CEP170B: variants seen among roughly 807,000 people sequenced by gnomAD.
CEP170B encodes centrosomal protein 170B.
CEP170B carries 55 observed loss-of-function variants against 120.6 expected under a neutral mutation model. That is an observed-to-expected ratio of 0.46 (90% CI 0.37 to 0.57). The LOEUF is 0.57. Among genes scored for constraint, CEP170B ranks in the 20% least tolerant of loss-of-function variants. CEP170B has a pLI of 0.00. For synonymous variants in CEP170B, 1,033 were observed against 954.5 expected (o/e 1.08, Z -1.52); for missense variants, 2,212 against 2,253.3 (o/e 0.98, Z 0.37).
intron 2 of CEP170B, among the ~76,000 whole-genome samples, chr14:104,874,610 C>A (rs890047644): frequency 6.6e-6 from 1 of 151,964 alleles, no homozygotes; most frequent in South Asian, 2.1e-4. Context: ...CTGGGGGGAC[C>A]CAGGGTCCTG....
chr14:104,880,026 G>A (rs536239210), intron 5 of CEP170B, among the ~76,000 whole-genome samples: 8 of 152,186 alleles, frequency 5.3e-5, no homozygotes, highest in Non-Finnish European at 7.4e-5. Context: ...TCTGATGATC[G>A]CAGCCTGCTC....
rs1010720965 is a variant in CEP170B, at chr14:104,886,115, G to A, written c.2020G>A (p.Asp674Asn). 7.8e-6 allele frequency: 12 copies of A among 1,542,526 alleles called. No homozygotes were observed. Among genetic ancestry groups the A allele is most frequent in the Non-Finnish European group, 1.0e-5 (12 of 1,145,028 alleles). The change falls in exon 11 of 19, where the codon GAC becomes AAC. Residue 674 changes from aspartate to asparagine, a missense_variant. Asp to Asn is a conservative substitution (Grantham distance 23). This residue lies in a region of CEP170B where 2,166 missense variants were observed against 2,166.7 expected (regional missense o/e 1.00). Transcript: ENST00000414716. ...RWASLADSYS[D>N]PGLTEDGLGR... ...GGCCAGCCTGGCTGACAGCTACTCA[G>A]ACCCGGGCCTCACAGGTAAGTGGCT...
intron 2 of CEP170B, among the ~76,000 whole-genome samples, chr14:104,869,500 C>G (rs910341658): frequency 6.6e-6 from 1 of 152,190 alleles, no homozygotes; most frequent in African/African-American, 2.4e-5. Context: ...CTGGGGCAGA[C>G]AGTGTTTGTC....
intron 14 of CEP170B, 89 bp from the exon 15 acceptor site, chr14:104,893,434 C>A: frequency 6.8e-7 from 1 of 1,467,770 alleles, no homozygotes; most frequent in South Asian, 1.3e-5. Flanking sequence ...TGTGCTCTGT[C>A]CACCTGCCGG....
intron 5 of CEP170B, 105 bp from the exon 6 acceptor site, chr14:104,880,182 A>G (rs1324435308): frequency 6.9e-7 from 1 of 1,454,124 alleles, no homozygotes; most frequent in Non-Finnish European, 9.3e-7. Flanking sequence ...GTGACATGCA[A>G]AGTCATAGCT....
chr14:104,883,839 C>A lies in CEP170B; in HGVS notation c.1060C>A (p.His354Asn), dbSNP rs756516755. 1 of 1,554,024 alleles carries A rather than the reference C, an allele frequency of 6.4e-7. No homozygotes were observed. ...VHTRTLKGHK[H>N]EDGTQSDSED... ...TCCCCTGTCTCCCCCAGGCCACAAGCACGAGGACGGCACGCAGAGTGACTC... is the reference window on the plus strand; with the variant it reads ...TCCCCTGTCTCCCCCAGGCCACAAGAACGAGGACGGCACGCAGAGTGACTC... The change falls in exon 9 of 19, where the codon CAC becomes AAC. Residue 354 changes from histidine (H) to asparagine (N), a missense_variant. Physicochemically the swap from His to Asn is moderately conservative, Grantham distance 68. Coordinates refer to ENST00000414716, the MANE Select transcript of CEP170B (RefSeq NM_001112726.3).
In CEP170B at chr14:104,884,312, C is replaced by T; in HGVS notation, c.1533C>T (p.Ser511=). ...QDFMAQCLRE[S]SPAARPSPEK... is the part of the protein sequence containing the mutation. Reference sequence around the variant, plus strand: ...TCATGGCCCAGTGTCTGCGGGAGAGCTCCCCGGCCGCCCGGCCCAGCCCCG... The same window carrying T: ...TCATGGCCCAGTGTCTGCGGGAGAGTTCCCCGGCCGCCCGGCCCAGCCCCG... The change falls in exon 9 of 19, where the codon AGC becomes AGT. Residue 511 remains serine, a synonymous_variant. Coordinates refer to ENST00000414716, the MANE Select transcript of CEP170B (RefSeq NM_001112726.3). The T allele has an allele frequency of 6.5e-7, 1 of 1,543,366 alleles. No individual in the cohort carries two copies. Among genetic ancestry groups the T allele is most frequent in the Non-Finnish European group, 8.7e-7 (1 of 1,144,742 alleles).
intron 3 of CEP170B, among the ~76,000 whole-genome samples, chr14:104,876,978 CGT>C (rs1895885657): frequency 6.6e-6 from 1 of 152,278 alleles, no homozygotes; most frequent in East Asian, 1.9e-4. Context: ...TCTCTGGGGG[CGT>C]GTGTCTGTCC....
intron 7 of CEP170B, 44 bp from the exon 8 acceptor site, chr14:104,882,991 G>A: frequency 6.8e-7 from 1 of 1,473,658 alleles, no homozygotes; most frequent in Non-Finnish European, 9.0e-7. Context: ...GTGGTGGCAG[G>A]TGGTTACCCT....
rs568308654 is a variant in CEP170B at position 104,876,670 on chromosome 14, G to A, written c.195+325G>A. On this transcript the variant is annotated intron_variant, in intron 3 of 18. Coordinates refer to ENST00000414716, the MANE Select transcript of CEP170B (RefSeq NM_001112726.3). ...AGAGGCCCCCAGGCCTCCCCAGAAG[G>A]CTCCCCCTGGCAGGGTCTCAGGCCG... Among the ~76,000 whole-genome samples, 94 of 152,312 alleles carry A rather than the reference G, an allele frequency of 6.2e-4. 1 individual carries two copies. Among genetic ancestry groups the A allele is most frequent in the African/African-American group, 2.1e-3 (88 of 41,574 alleles).
rs1895843003 is a variant in CEP170B at position 104,876,299 on chromosome 14, A to G, written c.149A>G (p.Gln50Arg). Reference sequence around the variant, plus strand: ...CAGCATGCCGTCATCAACTACGACCAGGACAGGGACGAGCACTGGGTGAAG... The same window carrying G: ...CAGCATGCCGTCATCAACTACGACCGGGACAGGGACGAGCACTGGGTGAAG... Reference protein sequence around the residue: ...DKQHAVINYDQDRDEHWVKDL... With the variant: ...DKQHAVINYDRDRDEHWVKDL... Residue 50 changes from glutamine to arginine, a missense_variant, in exon 3 of 19, where the codon CAG (glutamine) becomes CGG (arginine). Transcript: ENST00000414716. 1.9e-6 allele frequency: 3 copies of G among 1,550,738 alleles called. No individual in the cohort carries two copies. The African/African-American group carries it at 4.1e-5, about 21-fold the overall frequency.
Position 104,880,216 on chromosome 14 carries a change from G to C in CEP170B, c.334-71G>C. 1.5e-5 allele frequency: 23 copies of C among 1,539,416 alleles called. No homozygotes were observed. In the South Asian group the frequency reaches 2.5e-4, roughly 17 times the overall value. On this transcript the variant is annotated intron_variant, in intron 5 of 18. Coordinates refer to ENST00000414716, the MANE Select transcript of CEP170B (RefSeq NM_001112726.3). ...CTGGGCCCTCTGGATGGAGAGGAGAGGCTGGGCCCACCCTGGTGGGTTCCT... is the reference window on the plus strand; with the variant it reads ...CTGGGCCCTCTGGATGGAGAGGAGACGCTGGGCCCACCCTGGTGGGTTCCT...
intron 6 of CEP170B, 131 bp from the exon 7 acceptor site, chr14:104,882,597 G>A: frequency 1.5e-6 from 1 of 650,284 alleles, no homozygotes; most frequent in Non-Finnish European, 2.6e-6. Context: ...GCCCTGGGCT[G>A]CCACAGGGCC....
chr14:104,877,836 A>ACCCCCCCCCCCCCCCCCCCCCC, intron 3 of CEP170B, 49 bp from the exon 4 acceptor site: 2 of 237,064 alleles, frequency 8.4e-6, no homozygotes, highest in South Asian at 4.5e-5. Flanking sequence ...GCCCACAGCC[A>ACCCCCCCCCCCCCCCCCCCCCC]CCCACCCGCG....
intron 13 of CEP170B, among the ~76,000 whole-genome samples, chr14:104,890,592 GAGT>G: frequency 1.4e-5 from 2 of 141,430 alleles, no homozygotes; most frequent in African/African-American, 2.6e-5. Flanking sequence ...ATGGATGGGT[GAGT>G]GAGTGGGTGG....
At chr14:104,890,717 A>G (rs1164365837) in intron 13 of CEP170B, among the ~76,000 whole-genome samples, 19 of 23,084 alleles carry the variant, frequency 8.2e-4, no homozygotes, top group Non-Finnish European at 1.1e-3. Flanking sequence ...TGGATGGATG[A>G]GTGGTGGGTG....
rs758268714 is a variant in CEP170B, at chr14:104,884,563, GC to G, written c.1770+15del. The G allele has an allele frequency of 3.3e-6, 5 of 1,511,290 alleles. No individual in the cohort carries two copies. Among genetic ancestry groups the G allele is most frequent in the Non-Finnish European group, 3.6e-6 (4 of 1,125,944 alleles). The allele number at this position is 1,511,290 out of a possible 1,614,324, so 93.6% of individuals were successfully genotyped here. ...ATGATCGACCAGGTGCAGCCCAGCGGCGAGTGAGAGCCCTCGTGGGGAACGG... is the reference window on the plus strand; with the variant it reads ...ATGATCGACCAGGTGCAGCCCAGCGGGAGTGAGAGCCCTCGTGGGGAACGG... On this transcript the variant is annotated intron_variant, in intron 9 of 18. Transcript: ENST00000414716.
chr14:104,896,455 C>T lies in CEP170B; in HGVS notation c.*1497C>T, dbSNP rs1190147309. On this transcript the variant is annotated 3_prime_UTR_variant, in exon 19 of 19. Transcript: ENST00000414716. ...CCCTGCATGCCCCAGTTGCCCACCC[C>T]GCCTGCCCCTGGACATGAAGTGGTC... 3.0e-5 allele frequency: 12 copies of T among 406,582 alleles called. 1 individual carries two copies. The highest frequency in any genetic ancestry group is 1.5e-4 in the South Asian group (9 of 58,666). The allele number at this position is 406,582 out of a possible 1,614,324, so 25.2% of individuals were successfully genotyped here. A position where few individuals can be genotyped will look rare whatever the true frequency, so the allele number is the denominator to read the frequency against.
At chr14:104,882,702 G>T in intron 6 of CEP170B, 26 bp from the exon 7 acceptor site, 1 of 1,593,694 alleles carries the variant, frequency 6.3e-7, no homozygotes, top group South Asian at 1.1e-5. Flanking sequence ...AGCAACACAG[G>T]GTCTGACCTC....
Sources: allele counts gnomAD v4.1 joint callset (sites outside exome capture counted in the v4.1 genomes callset), GRCh38; gene constraint gnomAD v4.1.1; regional missense constraint gnomAD v4.1.1; transcripts MANE v1.5; gene names NCBI Gene and HGNC (gene_info 2026-07-23, HGNC 2026-07-21).